NUAK1: variants seen among roughly 807,000 people sequenced by gnomAD.
NUAK1 encodes the protein NUAK family SNF1-like kinase 1.
Under a neutral mutation model 56.9 loss-of-function variants are expected in NUAK1, and 26 were observed. The ratio of observed to expected loss-of-function variants is 0.46; its 90% CI spans 0.33 to 0.63. The LOEUF (loss-of-function observed/expected upper bound fraction) is 0.63, where lower values mean the gene tolerates loss of function less well. Among genes scored for constraint, NUAK1 ranks in the 30% least tolerant of loss-of-function variants. The pLI is 0.02. For synonymous variants in NUAK1, 337 were observed against 336.0 expected, an observed-to-expected ratio of 1.00 and a Z score of -0.03; for missense variants, 727 against 876.1, an observed-to-expected ratio of 0.83 and a Z score of 2.15.
chr12:106,092,609 T>C (rs1017217836), intron 2 of NUAK1, among the ~76,000 whole-genome samples: 1 of 152,234 alleles, frequency 6.6e-6, no homozygotes, highest in African/African-American at 2.4e-5. Context: ...CTCATTGCTC[T>C]AGAGTACTCC....
In NUAK1 at chr12:106,138,374, A is replaced by G; in HGVS notation, c.240+40T>C. On this transcript the variant is annotated intron_variant, in intron 1 of 6. Coordinates refer to ENST00000261402, the MANE Select transcript of NUAK1 (RefSeq NM_014840.3). This position sits in a 1 kb window ranked among gnomAD's most constrained non-coding sequence, Gnocchi z 5.0. ...ACGCCCTCAGTCCCCGGCCGCGTCCACCCAGCGCCCCCCGCACCCTCCAGG... is the reference window on the plus strand; with the variant it reads ...ACGCCCTCAGTCCCCGGCCGCGTCCGCCCAGCGCCCCCCGCACCCTCCAGG... The G allele has an allele frequency of 6.4e-7, 1 of 1,561,510 alleles. No individual in the cohort carries two copies. The highest frequency in any genetic ancestry group is 8.6e-7 in the Non-Finnish European group (1 of 1,159,386).
chr12:106,128,128 C>CTTTTTTTTTTT (rs199595148), intron 1 of NUAK1, among the ~76,000 whole-genome samples: 1 of 136,216 alleles, frequency 7.3e-6, no homozygotes, highest in African/African-American at 2.8e-5. Flanking sequence ...TCTCTCTTTT[C>CTTTTTTTTTTT]TTTTTCTTTT....
chr12:106,127,891 A>G (rs2033038842), intron 1 of NUAK1, among the ~76,000 whole-genome samples: 1 of 152,136 alleles, frequency 6.6e-6, no homozygotes, highest in African/African-American at 2.4e-5. Flanking sequence ...TGCTGCAGGG[A>G]CAGACAGGAC....
intron 1 of NUAK1, among the ~76,000 whole-genome samples, chr12:106,112,644 A>G (rs1262530038): frequency 6.6e-6 from 1 of 152,200 alleles, no homozygotes; most frequent in Non-Finnish European, 1.5e-5. Flanking sequence ...CATGGGAACC[A>G]AGCCAGCTCT....
chr12:106,110,414 T>C (rs138934633), intron 1 of NUAK1, among the ~76,000 whole-genome samples: 1 of 152,134 alleles, frequency 6.6e-6, no homozygotes, highest in East Asian at 1.9e-4. Context: ...TAAGCAAAAC[T>C]CACACCAGTA....
chr12:106,075,943 C>A (rs2032460843), intron 4 of NUAK1, among the ~76,000 whole-genome samples: 1 of 152,198 alleles, frequency 6.6e-6, no homozygotes, highest in Non-Finnish European at 1.5e-5. Context: ...TAGTTTTGAG[C>A]TTATCTTCTA....
At chr12:106,129,734 G>A (rs1565929038) in intron 1 of NUAK1, among the ~76,000 whole-genome samples, 1 of 152,188 alleles carries the variant, frequency 6.6e-6, no homozygotes, top group Non-Finnish European at 1.5e-5. Flanking sequence ...GTTTTCAAGA[G>A]CCTACTATGC....
At chr12:106,133,733 T>C (rs902522104) in intron 1 of NUAK1, among the ~76,000 whole-genome samples, 1 of 152,238 alleles carries the variant, frequency 6.6e-6, no homozygotes, top group Non-Finnish European at 1.5e-5. Flanking sequence ...AATATGATTC[T>C]GTCCAGGATC....
chr12:106,106,313 C>T (rs1290406411), intron 2 of NUAK1, 92 bp downstream of exon 2: 1 of 1,223,692 alleles, frequency 8.2e-7, no homozygotes, highest in Non-Finnish European at 1.1e-6. Flanking sequence ...TGGCTTCTGC[C>T]CAGAAGGGCA....
chr12:106,067,195 G>A lies in NUAK1; in HGVS notation c.1593C>T (p.Tyr531=). The A allele has an allele frequency of 1.9e-6, 3 of 1,614,082 alleles. No homozygotes were observed. The highest frequency in any genetic ancestry group is 1.6e-4 in the Middle Eastern group (1 of 6,062). The part of the protein sequence containing the change: ...RKGILKHSSK[Y]SAGTMDPALV... Reference sequence around the variant, plus strand: ...GGGCTGGGTCCATGGTGCCCGCTGAGTATTTGCTGCTGTGTTTCAAGATGC... The same window carrying A: ...GGGCTGGGTCCATGGTGCCCGCTGAATATTTGCTGCTGTGTTTCAAGATGC... The change falls in exon 7 of 7, where the codon TAC becomes TAT. Residue 531 remains tyrosine (Y), a synonymous_variant. Coordinates refer to ENST00000261402, the MANE Select transcript of NUAK1 (RefSeq NM_014840.3). The surrounding 1 kb of genome is among the most constrained non-coding windows in gnomAD (Gnocchi z 6.0).
chr12:106,102,022 C>A (rs908154263), intron 2 of NUAK1, among the ~76,000 whole-genome samples: 1 of 152,130 alleles, frequency 6.6e-6, no homozygotes, highest in Non-Finnish European at 1.5e-5. Flanking sequence ...AGCTGCCCTC[C>A]TCCACAGTTA....
intron 1 of NUAK1, among the ~76,000 whole-genome samples, chr12:106,124,996 C>CAATAAATAAATAAATAAATA (rs55900706): frequency 6.8e-5 from 10 of 147,000 alleles, no homozygotes; most frequent in African/African-American, 2.1e-4. Context: ...GACTCCATCT[C>CAATAAATAAATAAATAAATA]AATAAATAAA....
intron 4 of NUAK1, among the ~76,000 whole-genome samples, chr12:106,082,955 C>T (rs1290011852): frequency 6.6e-6 from 1 of 152,108 alleles, no homozygotes; most frequent in Non-Finnish European, 1.5e-5. Context: ...GTACTAAGGC[C>T]GTTTCATAAT....
In NUAK1 at chr12:106,138,347, G is replaced by C; in HGVS notation, c.240+67C>G. ...CCCAGGGCGCACAGACCCCCGCCTC[G>C]CACGCCCTCAGTCCCCGGCCGCGTC... is the stretch of plus-strand genomic sequence containing the variant. On this transcript the variant is annotated intron_variant, in intron 1 of 6. Coordinates refer to ENST00000261402, the MANE Select transcript of NUAK1 (RefSeq NM_014840.3). The surrounding 1 kb of genome is among the most constrained non-coding windows in gnomAD (Gnocchi z 5.0). The C allele has an allele frequency of 2.6e-6, 4 of 1,521,856 alleles. No homozygotes were observed. The highest frequency in any genetic ancestry group is 3.5e-6 in the Non-Finnish European group (4 of 1,142,422). 94.3% of individuals were successfully genotyped at this position (1,521,856 alleles called of 1,614,324 possible).
In NUAK1 at chr12:106,064,793, A is replaced by AC. The variant is rs57837292; in HGVS notation, c.*2008dup. On this transcript the variant is annotated 3_prime_UTR_variant, in exon 7 of 7. Coordinates refer to ENST00000261402, the MANE Select transcript of NUAK1 (RefSeq NM_014840.3). ...TTGTCCTCCATGCACCCACACCCCC[A>AC]CCCCCCCCCACACACACAATTTGCT... 30,930 of 113,348 alleles carry AC rather than the reference A, an allele frequency of 0.27. 3,909 individuals carry two copies. The highest frequency in any genetic ancestry group is 0.35 in the Admixed American group (3,785 of 10,890). The allele number at this position is 113,348 out of a possible 1,614,324, so 7.0% of individuals were successfully genotyped here. A position where few individuals can be genotyped will look rare whatever the true frequency, so the allele number is the denominator to read the frequency against.
At chr12:106,128,476 T>G (rs772946406) in intron 1 of NUAK1, among the ~76,000 whole-genome samples, 11 of 152,150 alleles carry the variant, frequency 7.2e-5, no homozygotes, top group Non-Finnish European at 1.5e-4. Flanking sequence ...CCTTCCATGA[T>G]CCTGTAGAAG....
At chr12:106,094,908 G>A (rs2032679421) in intron 2 of NUAK1, among the ~76,000 whole-genome samples, 1 of 152,154 alleles carries the variant, frequency 6.6e-6, no homozygotes, top group African/African-American at 2.4e-5. Flanking sequence ...AGAGAGAGAA[G>A]TTGTGTGGGA....
chr12:106,069,595 A>G (rs1443532914), intron 6 of NUAK1, among the ~76,000 whole-genome samples: 3 of 152,180 alleles, frequency 2.0e-5, no homozygotes, highest in Non-Finnish European at 4.4e-5. Context: ...GGTGTCTTTA[A>G]ACAGAGACAC....
In NUAK1 at chr12:106,064,501, G is replaced by T. The variant is rs1022255457; in HGVS notation, c.*2301C>A. 1 of 152,216 alleles carries T rather than the reference G, an allele frequency of 6.6e-6. No individual in the cohort carries two copies. The highest frequency in any genetic ancestry group is 1.5e-5 in the Non-Finnish European group (1 of 68,064). 9.4% of individuals were successfully genotyped at this position (152,216 alleles called of 1,614,324 possible). Reference sequence around the variant, plus strand: ...CCTGACAAAAGAGAACACGTGTTTGGGGGGAGGAAGAAGGGAGTAGACTGA... The same window carrying T: ...CCTGACAAAAGAGAACACGTGTTTGTGGGGAGGAAGAAGGGAGTAGACTGA... On this transcript the variant is annotated 3_prime_UTR_variant, in exon 7 of 7. Transcript: ENST00000261402.
Sources: allele counts gnomAD v4.1 joint callset (sites outside exome capture counted in the v4.1 genomes callset), GRCh38; gene constraint gnomAD v4.1.1; non-coding constraint Gnocchi (gnomAD v3.1); transcripts MANE v1.5; gene names NCBI Gene and HGNC (gene_info 2026-07-23, HGNC 2026-07-21).